Variants in TBCD observed in about 807,000 individuals in gnomAD.
TBCD encodes the protein tubulin-specific chaperone D.
In TBCD, 105 loss-of-function variants were observed where a neutral mutation model predicts 169.3. The ratio of observed to expected loss-of-function variants is 0.62; its 90% CI spans 0.53 to 0.73. The LOEUF is 0.73. Among genes scored for constraint, TBCD ranks in the 30% least tolerant of loss-of-function variants. TBCD has a pLI of 0.00. For missense variants in TBCD, 1,444 were observed against 1,600.1 expected (o/e 0.90, Z 1.66); for synonymous variants, 700 against 643.9 (o/e 1.09, Z -1.32).
rs182107545 is a variant in TBCD, at chr17:82,927,232, G to A, written c.2518G>A (p.Val840Met). ...GAAAGCAGGAGCCCCAGACGAAGCT[G>A]TGTGCGGAGAGAATGTTTCCCAGAT... ...GVKAGAPDEA[V>M]CGENVSQIYC... Residue 840 changes from valine to methionine, a missense_variant, in exon 29 of 39, where the codon GTG becomes ATG. Coordinates refer to ENST00000355528, the MANE Select transcript of TBCD (RefSeq NM_005993.5). 1.9e-6 allele frequency: 3 copies of A among 1,614,042 alleles called. No individual in the cohort carries two copies. In the Admixed American group the frequency reaches 5.0e-5, roughly 27 times the overall value.
intron 7 of TBCD, among the ~76,000 whole-genome samples, chr17:82,796,869 C>G (rs575991926): frequency 1.3e-5 from 2 of 152,350 alleles, no homozygotes; most frequent in East Asian, 3.9e-4. Flanking sequence ...AAAGCCTCTT[C>G]ACCTTGTCTG....
At chr17:82,900,083 A>G (rs927561855) in intron 17 of TBCD, among the ~76,000 whole-genome samples, 1 of 152,216 alleles carries the variant, frequency 6.6e-6, no homozygotes, top group Non-Finnish European at 1.5e-5. Flanking sequence ...GCTTTACTGA[A>G]GTGCAGCTGG....
chr17:82,918,435 G>A (rs955983956), intron 23 of TBCD: 7 of 152,220 alleles, frequency 4.6e-5, no homozygotes, highest in African/African-American at 1.7e-4. Context: ...TTTTCTGTGA[G>A]CGTGGTGCCG....
intron 15 of TBCD, among the ~76,000 whole-genome samples, chr17:82,887,657 G>C (rs1419301239): frequency 1.3e-5 from 2 of 152,180 alleles, no homozygotes; most frequent in African/African-American, 2.4e-5. Context: ...GGTCGTGGTA[G>C]TTGGACATTT....
At chr17:82,783,661 G>A (rs114583296) in intron 7 of TBCD, among the ~76,000 whole-genome samples, 1,921 of 152,302 alleles carry the variant, frequency 0.013, 45 homozygotes, top group African/African-American at 0.043. Context: ...GTTCATCTGC[G>A]CTGTGGTGTT....
rs1222666483 is a variant in TBCD, at chr17:82,922,170, G to C, written c.2178+593G>C. On this transcript the variant is annotated intron_variant, in intron 25 of 38. Transcript: ENST00000355528. This position sits in a 1 kb window ranked among gnomAD's most constrained non-coding sequence, Gnocchi z 4.1. ...GAGGTCAGGAGTTCGAGGCCAGCCTGGCCAACATGGTGAAACCCCATCTCT... is the reference window on the plus strand; with the variant it reads ...GAGGTCAGGAGTTCGAGGCCAGCCTCGCCAACATGGTGAAACCCCATCTCT... Among the ~76,000 whole-genome samples, 1 of 152,206 alleles carries C rather than the reference G, an allele frequency of 6.6e-6. No homozygotes were observed. The highest frequency in any genetic ancestry group is 1.5e-5 in the Non-Finnish European group (1 of 68,036).
At chr17:82,937,872 G>A (rs1173589874) in intron 35 of TBCD, 177 bp from the exon 36 acceptor site, 2 of 1,515,850 alleles carry the variant, frequency 1.3e-6, no homozygotes, top group Non-Finnish European at 1.8e-6. Flanking sequence ...ACACTCGTGT[G>A]TGTAGGCACA....
intron 6 of TBCD, among the ~76,000 whole-genome samples, chr17:82,774,236 G>C (rs1029393032): frequency 2.6e-5 from 4 of 152,088 alleles, no homozygotes; most frequent in African/African-American, 9.7e-5. Context: ...CTTGAGATCA[G>C]GGAGTGGTGA....
At chr17:82,847,671 T>C (rs766865338) in intron 13 of TBCD, among the ~76,000 whole-genome samples, 18 of 152,224 alleles carry the variant, frequency 1.2e-4, no homozygotes, top group Non-Finnish European at 2.2e-4. Flanking sequence ...AGAGTCTTGC[T>C]CTGTCACCCA....
At chr17:82,805,229 G>A (rs886695660) in intron 9 of TBCD, among the ~76,000 whole-genome samples, 10 of 152,350 alleles carry the variant, frequency 6.6e-5, no homozygotes, top group Middle Eastern at 6.8e-3. Context: ...AGGGGGAAGT[G>A]GGGGCATGGA....
chr17:82,867,330 T>C (rs2057243740), intron 13 of TBCD, among the ~76,000 whole-genome samples: 1 of 152,134 alleles, frequency 6.6e-6, no homozygotes, highest in South Asian at 2.1e-4. Flanking sequence ...GTCTGTCCAG[T>C]GGATGAATAA....
chr17:82,818,415 TTA>T (rs2052121582), intron 13 of TBCD, among the ~76,000 whole-genome samples: 1 of 152,216 alleles, frequency 6.6e-6, no homozygotes, highest in Non-Finnish European at 1.5e-5. Context: ...AGCATGCTTT[TTA>T]TGTTTTTGTT....
intron 13 of TBCD, among the ~76,000 whole-genome samples, chr17:82,821,598 G>T (rs1431116906): frequency 6.6e-6 from 1 of 152,142 alleles, no homozygotes. Context: ...TCAGGCTGGG[G>T]TCCTTCACTG....
At chr17:82,817,281 CCA>C (rs2052000103) in intron 13 of TBCD, among the ~76,000 whole-genome samples, 1 of 152,044 alleles carries the variant, frequency 6.6e-6, no homozygotes, top group Admixed American at 6.6e-5. Flanking sequence ...CAGGGGTGCA[CCA>C]CCATGCCTGG....
At position 82,927,375 on chromosome 17, in the gene TBCD, G is replaced by A. The variant is rs564807649; in HGVS notation, c.2609+52G>A. 2.3e-5 allele frequency: 36 copies of A among 1,575,592 alleles called. No individual in the cohort carries two copies. In the African/African-American group the frequency reaches 3.9e-4, roughly 17 times the overall value. On this transcript the variant is annotated intron_variant, in intron 29 of 38. Coordinates refer to ENST00000355528, the MANE Select transcript of TBCD (RefSeq NM_005993.5). ...TTCTTCTGAGAAGCCCATCTATTCCGTGGAAACTCGGAGGCCCCGGGCTTT... is the reference window on the plus strand; with the variant it reads ...TTCTTCTGAGAAGCCCATCTATTCCATGGAAACTCGGAGGCCCCGGGCTTT...
chr17:82,927,947 T>A lies in TBCD; in HGVS notation c.2652T>A (p.Leu884=), dbSNP rs762329549. The A allele has an allele frequency of 3.1e-6, 5 of 1,613,254 alleles. No homozygotes were observed. The East Asian group carries it at 1.1e-4, about 36-fold the overall frequency. The change falls in exon 30 of 39, where the codon CTT becomes CTA. Residue 884 remains leucine (L), a synonymous_variant. Coordinates refer to ENST00000355528, the MANE Select transcript of TBCD (RefSeq NM_005993.5). ...TGACCAGTCTGATGGATCTGACACT[T>A]CTGCTGGCTCGGAGCCAGCCTGAGC... ...AAMTSLMDLT[L]LLARSQPELI... is the part of the protein sequence containing the mutation.
At chr17:82,796,276 C>G (rs1000504811) in intron 7 of TBCD, among the ~76,000 whole-genome samples, 1 of 152,180 alleles carries the variant, frequency 6.6e-6, no homozygotes, top group African/African-American at 2.4e-5. Context: ...CTCTGTAAAC[C>G]GATGACTTAG....
rs1292477672 is a variant in TBCD at position 82,915,383 on chromosome 17, T to G, written c.2038+3594T>G. 1.3e-5 allele frequency among the ~76,000 whole-genome samples: 2 copies of G among 152,134 alleles called. No individual in the cohort carries two copies. Among genetic ancestry groups the G allele is most frequent in the East Asian group, 1.9e-4 (1 of 5,190 alleles). On this transcript the variant is annotated intron_variant, in intron 23 of 38. Transcript: ENST00000355528. This position sits in a 1 kb window ranked among gnomAD's most constrained non-coding sequence, Gnocchi z 4.3. ...AAAGAAATGTCATACAGGTTGGCCT[T>G]TGTCGTGAATATTCACGAGAGGAGA...
intron 37 of TBCD, among the ~76,000 whole-genome samples, chr17:82,940,208 CACTT>C (rs1303879804): frequency 4.0e-5 from 5 of 126,272 alleles, no homozygotes; most frequent in Admixed American, 7.9e-5. Flanking sequence ...CACACATGCT[CACTT>C]GCACGCGCGC....
Sources: allele counts gnomAD v4.1 joint callset (sites outside exome capture counted in the v4.1 genomes callset), GRCh38; gene constraint gnomAD v4.1.1; non-coding constraint Gnocchi (gnomAD v3.1); transcripts MANE v1.5; gene names NCBI Gene and HGNC (gene_info 2026-07-23, HGNC 2026-07-21).